Variants in NPR1 observed in about 807,000 individuals in gnomAD.
The protein encoded by NPR1 is atrial natriuretic peptide receptor 1.
Under a neutral mutation model 116.9 loss-of-function variants are expected in NPR1, and 57 were observed. That is an observed-to-expected ratio of 0.49 (90% CI 0.39 to 0.61). The LOEUF is 0.61. Among genes scored for constraint, NPR1 ranks in the 20% least tolerant of loss-of-function variants. The pLI, the probability that NPR1 is intolerant of heterozygous loss-of-function variation, is 0.00. For missense variants in NPR1, 1,096 were observed against 1,409.8 expected (o/e 0.78, Z 3.56); for synonymous variants, 555 against 601.6 (o/e 0.92, Z 1.13).
intron 8 of NPR1, 148 bp from the exon 9 acceptor site, chr1:153,685,658 C>T (rs557811888): frequency 1.0e-4 from 69 of 659,224 alleles, no homozygotes; most frequent in Middle Eastern, 5.1e-4. Context: ...AATGATACTA[C>T]ATCTCAAAAA....
At position 153,693,961 on chromosome 1, in the gene NPR1, A is replaced by G; in HGVS notation, c.*547A>G. On this transcript the variant is annotated 3_prime_UTR_variant, in exon 22 of 22. Transcript: ENST00000368680. ...GCCTGTATGCCTTGCTTCTACCATG[A>G]GCAGAGACAATTAAAATCTTTATTC... is the stretch of plus-strand genomic sequence containing the variant. 2.5e-6 allele frequency: 1 copy of G among 396,170 alleles called. No individual in the cohort carries two copies. The allele number at this position is 396,170 out of a possible 1,614,324, so 24.5% of individuals were successfully genotyped here.
Position 153,683,427 on chromosome 1 carries a change from C to G in NPR1, c.1315C>G (p.Arg439Gly). The G allele has an allele frequency of 6.2e-7, 1 of 1,614,170 alleles. No homozygotes were observed. Among genetic ancestry groups the G allele is most frequent in the Non-Finnish European group, 8.5e-7 (1 of 1,180,014 alleles). Reference sequence around the variant, plus strand: ...CCAAGAGCTGGTGGCTGTGTCGGGGCGCAAACTGAACTGGCCCCTGGGGTA... The same window carrying G: ...CCAAGAGCTGGTGGCTGTGTCGGGGGGCAAACTGAACTGGCCCCTGGGGTA... ...TSQELVAVSGRKLNWPLGYPP... is the reference protein window; with the variant it reads ...TSQELVAVSGGKLNWPLGYPP... Residue 439 changes from arginine (R) to glycine (G), a missense_variant, in exon 6 of 22, where the codon CGC becomes GGC. Transcript: ENST00000368680.
In NPR1 at chr1:153,679,525, C is replaced by G; in HGVS notation, c.417C>G (p.Ala139=). 6.5e-7 allele frequency: 1 copy of G among 1,536,876 alleles called. No individual in the cohort carries two copies. Among genetic ancestry groups the G allele is most frequent in the Non-Finnish European group, 8.7e-7 (1 of 1,146,208 alleles). The stretch of plus-strand genomic sequence containing the variant: ...ACTGGCGGGTCCCGCTGCTGACCGC[C>G]GGCGCCCCGGCGCTGGGCTTCGGTG... ...TAHWRVPLLT[A]GAPALGFGVK... The change falls in exon 1 of 22, where the codon GCC becomes GCG. Residue 139 remains alanine, a synonymous_variant. Coordinates refer to ENST00000368680, the MANE Select transcript of NPR1 (RefSeq NM_000906.4). This position sits in a 1 kb window ranked among gnomAD's most constrained non-coding sequence, Gnocchi z 4.2.
chr1:153,683,304 G>T (rs1669833313), intron 5 of NPR1, 72 bp from the exon 6 acceptor site: 1 of 1,533,512 alleles, frequency 6.5e-7, no homozygotes, highest in Non-Finnish European at 8.8e-7. Context: ...TAGGTGGGAG[G>T]TGAGACTGCT....
chr1:153,683,895 G>A, intron 7 of NPR1, 71 bp downstream of exon 7: 2 of 1,366,614 alleles, frequency 1.5e-6, no homozygotes, highest in African/African-American at 1.4e-5. Context: ...AGGCGGTGGG[G>A]ACCCAGAGGG....
chr1:153,684,063 G>A (rs1044615468), intron 7 of NPR1, among the ~76,000 whole-genome samples: 1 of 152,186 alleles, frequency 6.6e-6, no homozygotes, highest in Non-Finnish European at 1.5e-5. Context: ...GATCCAAGAA[G>A]CAGAGAAGTT....
At position 153,678,995 on chromosome 1, in the gene NPR1, G is replaced by A. The variant is rs986871853; in HGVS notation, c.-114G>A. On this transcript the variant is annotated 5_prime_UTR_variant, in exon 1 of 22. Transcript: ENST00000368680. This position sits in a 1 kb window ranked among gnomAD's most constrained non-coding sequence, Gnocchi z 5.8. ...GCCCCGGGGTGAGCGTCCCCGTCCC[G>A]CTCCTGCTCCTTCCCATAGGGACGC... 1 of 1,272,040 alleles carries A rather than the reference G, an allele frequency of 7.9e-7. No individual in the cohort carries two copies. Among genetic ancestry groups the A allele is most frequent in the Non-Finnish European group, 1.0e-6 (1 of 987,220 alleles). The allele number at this position is 1,272,040 out of a possible 1,614,324, so 78.8% of individuals were successfully genotyped here.
In NPR1 at chr1:153,679,884, C is replaced by A; in HGVS notation, c.721+55C>A. The A allele has an allele frequency of 6.6e-7, 1 of 1,513,652 alleles. No homozygotes were observed. Among genetic ancestry groups the A allele is most frequent in the Non-Finnish European group, 8.8e-7 (1 of 1,139,934 alleles). 93.8% of individuals were successfully genotyped at this position (1,513,652 alleles called of 1,614,324 possible). A position where few individuals can be genotyped will look rare whatever the true frequency, so the allele number is the denominator to read the frequency against. On this transcript the variant is annotated intron_variant, in intron 1 of 21. Coordinates refer to ENST00000368680, the MANE Select transcript of NPR1 (RefSeq NM_000906.4). This position sits in a 1 kb window ranked among gnomAD's most constrained non-coding sequence, Gnocchi z 4.2. ...CTTAGCCGCAGGGCCTCCCCTCTGA[C>A]CTGCCGGAGGCATCGGGACTTTCTC...
At chr1:153,686,432 C>T (rs1028863280) in intron 10 of NPR1, among the ~76,000 whole-genome samples, 1 of 150,068 alleles carries the variant, frequency 6.7e-6, no homozygotes, top group Non-Finnish European at 1.5e-5. Flanking sequence ...TGTGATGTCC[C>T]TGGGGGAGAG....
Position 153,680,673 on chromosome 1 carries a change from G to T in NPR1, c.894G>T (p.Gln298His). 1 of 1,613,900 alleles carries T rather than the reference G, an allele frequency of 6.2e-7. No homozygotes were observed. The highest frequency in any genetic ancestry group is 1.3e-5 in the African/African-American group (1 of 75,054). ...GGCCCTGGGAGAGAGGGGATGGGCA[G>T]GATGTCAGTGCCCGCCAGGCCTTTC... Reference protein sequence around the residue: ...PRRPWERGDGQDVSARQAFQA... With the variant: ...PRRPWERGDGHDVSARQAFQA... The change falls in exon 2 of 22, where the codon CAG becomes CAT. Residue 298 changes from glutamine to histidine, a missense_variant. Transcript: ENST00000368680.
Position 153,685,050 on chromosome 1 carries a change from T to C in NPR1, c.1571T>C (p.Leu524Pro), listed in dbSNP as rs748045140. Residue 524 changes from leucine to proline, a missense_variant, in exon 8 of 22, where the codon CTG (leucine) becomes CCG (proline). Coordinates refer to ENST00000368680, the MANE Select transcript of NPR1 (RefSeq NM_000906.4). ...GAGCCCAGTAGCCTTGAGAGGCACCTGCGGAGTGCAGGCAGCCGGCTGACC... is the reference window on the plus strand; with the variant it reads ...GAGCCCAGTAGCCTTGAGAGGCACCCGCGGAGTGCAGGCAGCCGGCTGACC... ...DVEPSSLERH[L>P]RSAGSRLTLS... The C allele has an allele frequency of 6.2e-7, 1 of 1,613,932 alleles. No homozygotes were observed. Among genetic ancestry groups the C allele is most frequent in the Non-Finnish European group, 8.5e-7 (1 of 1,180,006 alleles).
rs201716063 is a variant in NPR1, at chr1:153,684,997, G to A, written c.1518G>A (p.Glu506=). The change falls in exon 8 of 22, where the codon GAG becomes GAA. Residue 506 remains glutamate, a synonymous_variant. Coordinates refer to ENST00000368680, the MANE Select transcript of NPR1 (RefSeq NM_000906.4). The part of the protein sequence containing the change: ...KMQLEKELAS[E]LWRVRWEDVE... The stretch of plus-strand genomic sequence containing the variant: ...AGCTGGAGAAGGAACTGGCCTCGGA[G>A]CTGTGGCGGGTGCGCTGGGAGGACG... The A allele has an allele frequency of 6.2e-6, 10 of 1,613,984 alleles. No individual in the cohort carries two copies. Among genetic ancestry groups the A allele is most frequent in the Admixed American group, 5.0e-5 (3 of 60,006 alleles).
Position 153,685,148 on chromosome 1 carries a change from T to C in NPR1, c.1605+64T>C, listed in dbSNP as rs1264349629. ...AGAGGTGGGTACAAGGGGCAGTGCC[T>C]GAGGGATAGGTAAGGGAGCAGGATT... On this transcript the variant is annotated intron_variant, in intron 8 of 21. Coordinates refer to ENST00000368680, the MANE Select transcript of NPR1 (RefSeq NM_000906.4). 9.5e-6 allele frequency: 15 copies of C among 1,586,276 alleles called. No individual in the cohort carries two copies. The South Asian group carries it at 1.3e-4, about 14-fold the overall frequency.
Position 153,688,989 on chromosome 1 carries a change from CCGCATGGAGCAGT to C in NPR1, c.2455_2467del (p.Arg819ThrfsTer39), listed in dbSNP as rs1557965045. On this transcript the variant is annotated frameshift_variant, in exon 16 of 22. Transcript: ENST00000368680. LOFTEE classifies it high-confidence loss of function. ...GCAACATCCTGGACAACCTGCTGTC[CCGCATGGAGCAGT>C]ACGCGAACAATCTGGAGGAACTGGT... The C allele has an allele frequency of 6.2e-7, 1 of 1,614,192 alleles. No individual in the cohort carries two copies. The highest frequency in any genetic ancestry group is 1.7e-5 in the Admixed American group (1 of 60,022).
intron 6 of NPR1, 101 bp from the exon 7 acceptor site, chr1:153,683,639 C>T: frequency 1.3e-6 from 2 of 1,541,340 alleles, no homozygotes; most frequent in Admixed American, 3.4e-5. Context: ...TTTTTCTTCC[C>T]TTCATCCATC....
intron 14 of NPR1, 112 bp from the exon 15 acceptor site, chr1:153,687,941 C>T (rs1669977703): frequency 6.5e-6 from 7 of 1,076,298 alleles, no homozygotes; most frequent in South Asian, 3.0e-5. Context: ...ACCAGTCCCC[C>T]GCCCCCATGC....
rs1318960849 is a variant in NPR1 at position 153,680,648 on chromosome 1, G to T, written c.869G>T (p.Arg290Met). The T allele has an allele frequency of 6.2e-7, 1 of 1,614,156 alleles. No individual in the cohort carries two copies. The highest frequency in any genetic ancestry group is 1.3e-5 in the African/African-American group (1 of 75,064). ...LQGGQGPAPR[R>M]PWERGDGQDV... ...GGTGGACAGGGCCCTGCTCCCCGCA[G>T]GCCCTGGGAGAGAGGGGATGGGCAG... Residue 290 changes from arginine (R) to methionine (M), a missense_variant, in exon 2 of 22, where the codon AGG (arginine) becomes ATG (methionine). By Grantham distance (91) the Arg-to-Met change is moderately conservative (BLOSUM62 -1). Transcript: ENST00000368680.
Position 153,690,276 on chromosome 1 carries a change from C to A in NPR1, c.2933-8C>A. On this transcript the variant is annotated splice_region_variant and splice_polypyrimidine_tract_variant and intron_variant, in intron 19 of 21. Coordinates refer to ENST00000368680, the MANE Select transcript of NPR1 (RefSeq NM_000906.4). ...GATGGGCTCTGCTCCTTCCCTTGCT[C>A]CTCCCAGGACCTGTGTGTGCTGGAG... 1 of 1,553,514 alleles carries A rather than the reference C, an allele frequency of 6.4e-7. No individual in the cohort carries two copies.
chr1:153,678,797 C>A lies in NPR1; in HGVS notation c.-312C>A. ...CGAAGCGCTCACTCGCACCCTTTCT[C>A]TCTCTCTCTCTCTCTCTCTAACACG... On this transcript the variant is annotated 5_prime_UTR_variant, in exon 1 of 22. Coordinates refer to ENST00000368680, the MANE Select transcript of NPR1 (RefSeq NM_000906.4). The surrounding 1 kb of genome is among the most constrained non-coding windows in gnomAD (Gnocchi z 5.8). 2 of 208,562 alleles carry A rather than the reference C, an allele frequency of 9.6e-6. No homozygotes were observed. 12.9% of individuals were successfully genotyped at this position (208,562 alleles called of 1,614,324 possible).
Sources: allele counts gnomAD v4.1 joint callset (sites outside exome capture counted in the v4.1 genomes callset), GRCh38; gene constraint gnomAD v4.1.1; non-coding constraint Gnocchi (gnomAD v3.1); transcripts MANE v1.5; gene names NCBI Gene and HGNC (gene_info 2026-07-23, HGNC 2026-07-21).